The following CCDC7 variants were observed in gnomAD, a reference collection of about 807,000 sequenced individuals.
CCDC7 encodes the protein coiled-coil domain containing 7.
CCDC7 carries 183 observed loss-of-function variants against 196.9 expected under a neutral mutation model. The ratio of observed to expected loss-of-function variants is 0.93; its 90% confidence interval spans 0.82 to 1.05. The LOEUF (loss-of-function observed/expected upper bound fraction) is 1.05, where lower values mean the gene tolerates loss of function less well. CCDC7 is among the 50% of genes least tolerant of loss of function. The pLI is 0.00. For missense variants in CCDC7, 1,540 were observed against 1,482.2 expected (o/e 1.04, Z -0.64); for synonymous variants, 525 against 484.6 (o/e 1.08, Z -1.10).
At chr10:32,494,795 T>C (rs1009697793) in intron 9 of CCDC7, among the ~76,000 whole-genome samples, 1 of 152,236 alleles carries the variant, frequency 6.6e-6, no homozygotes, top group Admixed American at 6.5e-5. Flanking sequence ...CAGTGTATCA[T>C]TGATGGGCAC....
intron 40 of CCDC7, 37 bp from the exon 42 acceptor site, chr10:32,854,363 A>G (rs1259520448): frequency 4.3e-6 from 5 of 1,154,336 alleles, no homozygotes; most frequent in Non-Finnish European, 6.3e-6. Context: ...TACTTAATTT[A>G]CCACATAATT....
chr10:32,743,632 T>C (rs1052837719), intron 28 of CCDC7, among the ~76,000 whole-genome samples: 53 of 152,106 alleles, frequency 3.5e-4, no homozygotes, highest in African/African-American at 1.3e-3. Flanking sequence ...AGCCATCCCA[T>C]TACTGGGTAT....
intron 28 of CCDC7, among the ~76,000 whole-genome samples, chr10:32,732,544 A>G (rs2084163315): frequency 6.6e-6 from 1 of 152,090 alleles, no homozygotes; most frequent in African/African-American, 2.4e-5. Context: ...TTATTTCTCT[A>G]TCTCTTTGTA....
At chr10:32,732,036 G>A (rs1347257169) in intron 28 of CCDC7, among the ~76,000 whole-genome samples, 9 of 152,116 alleles carry the variant, frequency 5.9e-5, no homozygotes, top group Non-Finnish European at 1.0e-4. Context: ...GGGCAACAGA[G>A]TTAGACTCCG....
intron 18 of CCDC7, among the ~76,000 whole-genome samples, chr10:32,633,248 CAT>C (rs1393071965): frequency 8.5e-5 from 13 of 152,106 alleles, no homozygotes; most frequent in Non-Finnish European, 1.8e-4. Flanking sequence ...TTCATACACA[CAT>C]GTTCTTATGT....
chr10:32,743,985 T>C, intron 28 of CCDC7, among the ~76,000 whole-genome samples: 1 of 99,800 alleles, frequency 1.0e-5, no homozygotes, highest in Admixed American at 1.3e-4. Flanking sequence ...CCGGGGCCTG[T>C]TGTGGGGTGG....
At chr10:32,445,003 G>A (rs1465268413), upstream of CCDC7, among the ~76,000 whole-genome samples, 3 of 152,056 alleles carry the variant, frequency 2.0e-5, no homozygotes, top group Admixed American at 6.5e-5. Context: ...ACAGGCACCC[G>A]CCATCACGCC....
chr10:32,483,321 C>G (rs1411306943), intron 8 of CCDC7, among the ~76,000 whole-genome samples: 1 of 152,144 alleles, frequency 6.6e-6, no homozygotes, highest in Admixed American at 6.6e-5. Context: ...CTGTTCATAC[C>G]TGTTGCACAC....
intron 21 of CCDC7, among the ~76,000 whole-genome samples, chr10:32,678,944 G>A (rs1188039263): frequency 6.6e-6 from 1 of 152,040 alleles, no homozygotes. Context: ...GAAGAAAGAG[G>A]GCTGGGCCTC....
intron 41 of CCDC7, among the ~76,000 whole-genome samples, chr10:32,867,649 G>A (rs1362062226): frequency 6.6e-6 from 1 of 151,388 alleles, no homozygotes; most frequent in East Asian, 1.9e-4. Context: ...ATTCACAGAA[G>A]AAATTAAAAT....
At chr10:32,714,085 A>G (rs1229671499) in intron 25 of CCDC7, among the ~76,000 whole-genome samples, 1 of 152,204 alleles carries the variant, frequency 6.6e-6, no homozygotes, top group Admixed American at 6.5e-5. Flanking sequence ...GTTTGGTTAG[A>G]AAACTGGGGG....
intron 20 of CCDC7, among the ~76,000 whole-genome samples, chr10:32,649,495 C>T (rs1381978259): frequency 6.6e-6 from 1 of 152,110 alleles, no homozygotes; most frequent in Non-Finnish European, 1.5e-5. Flanking sequence ...GATTAATTGC[C>T]ATAGGAATGA....
chr10:32,746,589 A>G (rs1160533636), intron 28 of CCDC7, among the ~76,000 whole-genome samples: 1 of 151,810 alleles, frequency 6.6e-6, no homozygotes, highest in Non-Finnish European at 1.5e-5. Flanking sequence ...TTATCTGCAC[A>G]CCTCCCTGTC....
chr10:32,696,273 G>A (rs1398619610), intron 24 of CCDC7, among the ~76,000 whole-genome samples: 1 of 151,996 alleles, frequency 6.6e-6, no homozygotes, highest in Non-Finnish European at 1.5e-5. Context: ...GGTGGTGGTG[G>A]CCTCCAACTG....
chr10:32,484,187 A>T (rs2040537256), intron 8 of CCDC7, among the ~76,000 whole-genome samples: 1 of 152,100 alleles, frequency 6.6e-6, no homozygotes, highest in African/African-American at 2.4e-5. Flanking sequence ...AGTGGTTTGT[A>T]GTTATCTTTG....
At chr10:32,485,241 G>C (rs2040808087) in intron 8 of CCDC7, among the ~76,000 whole-genome samples, 1 of 152,118 alleles carries the variant, frequency 6.6e-6, no homozygotes, top group Non-Finnish European at 1.5e-5. Flanking sequence ...GTGTGTCGAG[G>C]AATTTATCCA....
Position 32,823,403 on chromosome 10 carries a change from G to A in CCDC7, c.3182-1115G>A, listed in dbSNP as rs139830160. ...GATCTGCCCACCTCGGCCTCCCAAA[G>A]TGCTGGGATTACAGGCATGAGCCAC... On this transcript the variant is annotated intron_variant, in intron 31 of 41. Transcript: ENST00000639629. 7.0e-3 allele frequency among the ~76,000 whole-genome samples: 1,073 copies of A among 152,286 alleles called. 13 individuals are homozygous for A. Among genetic ancestry groups the A allele is most frequent in the African/African-American group, 0.025 (1,024 of 41,558 alleles).
At chr10:32,748,221 A>G (rs763289282) in intron 28 of CCDC7, among the ~76,000 whole-genome samples, 39 of 152,146 alleles carry the variant, frequency 2.6e-4, no homozygotes, top group Admixed American at 9.2e-4. Flanking sequence ...GAGGGTGGAG[A>G]ATGGGTGGAG....
chr10:32,615,298 G>A (rs1404425577), intron 18 of CCDC7, among the ~76,000 whole-genome samples: 1 of 152,130 alleles, frequency 6.6e-6, no homozygotes, highest in Non-Finnish European at 1.5e-5. Context: ...CCCACCAACA[G>A]TGTATAGTGT....
Sources: gnomAD v4.1 joint callset for allele counts (sites outside exome capture counted in the v4.1 genomes callset) on GRCh38, gnomAD v4.1.1 for gene constraint, MANE v1.5 for transcripts, NCBI Gene and HGNC (gene_info 2026-07-23, HGNC 2026-07-21) for gene names.